The following POLA1 variants were observed in gnomAD, a reference collection of about 807,000 sequenced individuals.
The protein encoded by POLA1 is DNA polymerase alpha 1, catalytic subunit.
Under a neutral mutation model 124.0 loss-of-function variants are expected in POLA1, and 15 were observed. The observed-to-expected ratio is 0.12, with a 90% confidence interval of 0.08 to 0.19. The LOEUF (loss-of-function observed/expected upper bound fraction) is 0.19. Ranked by LOEUF, POLA1 falls within the 10% of genes least tolerant of loss-of-function variation. The pLI is 1.00. For synonymous variants in POLA1, 408 were observed against 389.4 expected (o/e 1.05, Z -0.56); for missense variants, 886 against 1,103.4 (o/e 0.80, Z 2.79).
At position 24,995,792 on chromosome X, in the gene POLA1, T is replaced by G; in HGVS notation, c.4262-13T>G. The G allele has an allele frequency of 8.4e-7, 1 of 1,194,538 alleles. No homozygotes were observed. The highest frequency in any genetic ancestry group is 1.1e-6 in the Non-Finnish European group (1 of 881,144). ...CTACCTGAGACTTCTAATCTCTCTC[T>G]CTCTCTTTTTAGATAAATTGAAGAA... On this transcript the variant is annotated splice_polypyrimidine_tract_variant and intron_variant, in intron 36 of 36. Coordinates refer to ENST00000379068, the MANE Select transcript of POLA1 (RefSeq NM_001330360.2).
chrX:24,755,528 A>G (rs768907092), intron 26 of POLA1, among the ~76,000 whole-genome samples: 5 of 111,526 alleles, frequency 4.5e-5, no homozygotes, highest in Non-Finnish European at 9.4e-5. Flanking sequence ...TAGATGTTCT[A>G]TTTTGTTGGA....
intron 26 of POLA1, among the ~76,000 whole-genome samples, chrX:24,794,518 A>G (rs1259035725): frequency 1.8e-5 from 2 of 112,384 alleles, no homozygotes; most frequent in Non-Finnish European, 3.8e-5. Flanking sequence ...ACCGCTACCT[A>G]AGCAATAAAA....
At position 24,703,228 on chromosome X, in the gene POLA1, TCCTGAAAC is replaced by T. The variant is rs1157515451; in HGVS notation, c.169-22_169-15del. On this transcript the variant is annotated splice_polypyrimidine_tract_variant and intron_variant, in intron 2 of 36. Coordinates refer to ENST00000379068, the MANE Select transcript of POLA1 (RefSeq NM_001330360.2). ...TTGACTCCTCTATTTGAAGCTTTTTTCCTGAAACTTGTATAATGGTAGGTCGAGGACTT... is the reference window on the plus strand; with the variant it reads ...TTGACTCCTCTATTTGAAGCTTTTTTTTGTATAATGGTAGGTCGAGGACTT... 1 of 1,103,299 alleles carries T rather than the reference TCCTGAAAC, an allele frequency of 9.1e-7. No homozygotes were observed. The highest frequency in any genetic ancestry group is 1.2e-6 in the Non-Finnish European group (1 of 805,037). 90.9% of individuals were successfully genotyped at this position (1,103,299 alleles called of 1,213,427 possible). A position where few individuals can be genotyped will look rare whatever the true frequency, so the allele number is the denominator to read the frequency against.
At chrX:24,915,411 A>AT (rs1215565582) in intron 35 of POLA1, among the ~76,000 whole-genome samples, 9 of 111,859 alleles carry the variant, frequency 8.0e-5, no homozygotes. Flanking sequence ...ACTTTGTGGA[A>AT]TTTTTTTACT....
chrX:24,882,684 GGT>G (rs57530564), intron 34 of POLA1, among the ~76,000 whole-genome samples: 8,647 of 87,424 alleles, frequency 0.099, 407 homozygotes, highest in East Asian at 0.21. Flanking sequence ...TATATTCCAT[GGT>G]GTGTGTGTGT....
Position 24,715,173 on chromosome X carries a change from A to G in POLA1, c.495A>G (p.Leu165=). The G allele has an allele frequency of 8.5e-7, 1 of 1,183,222 alleles. No individual in the cohort carries two copies. The highest frequency in any genetic ancestry group is 2.3e-4 in the Middle Eastern group (1 of 4,286). ...TAGACTTGTCCAAGGATGGTCTGCT[A>G]GGTGACATTCTACAGGATCTTAACA... The part of the protein sequence containing the change: ...KAVDLSKDGL[L]GDILQDLNTE... The change falls in exon 6 of 37, where the codon CTA becomes CTG. Residue 165 remains leucine (L), a synonymous_variant. Coordinates refer to ENST00000379068, the MANE Select transcript of POLA1 (RefSeq NM_001330360.2).
At chrX:24,847,944 T>C (rs779079817) in intron 34 of POLA1, among the ~76,000 whole-genome samples, 30 of 112,195 alleles carry the variant, frequency 2.7e-4, no homozygotes, top group Middle Eastern at 4.6e-3. Flanking sequence ...TAAAGCTCTT[T>C]GTTACTTTTC....
At chrX:24,905,452 G>A (rs1333258903) in intron 35 of POLA1, among the ~76,000 whole-genome samples, 17 of 104,272 alleles carry the variant, frequency 1.6e-4, no homozygotes, top group African/African-American at 2.5e-4. Flanking sequence ...GACGGAACAC[G>A]AACAAAAAGA....
intron 35 of POLA1, among the ~76,000 whole-genome samples, chrX:24,926,416 A>G (rs1292749371): frequency 9.0e-6 from 1 of 111,497 alleles, no homozygotes; most frequent in Non-Finnish European, 1.9e-5. Context: ...TTTGTGCATC[A>G]AGCCGTACAC....
intron 35 of POLA1, among the ~76,000 whole-genome samples, chrX:24,916,502 C>T (rs923518937): frequency 9.1e-6 from 1 of 110,214 alleles, no homozygotes; most frequent in Admixed American, 9.6e-5. Context: ...TGGTCTCGAA[C>T]TCCTGACCGC....
intron 4 of POLA1, among the ~76,000 whole-genome samples, chrX:24,712,158 T>C (rs1022348403): frequency 1.4e-4 from 16 of 111,207 alleles, no homozygotes; most frequent in Non-Finnish European, 2.6e-4. Context: ...CGGTCTCAGG[T>C]CATTGCAACT....
intron 4 of POLA1, among the ~76,000 whole-genome samples, chrX:24,708,098 A>G (rs1381066114): frequency 8.9e-6 from 1 of 111,972 alleles, no homozygotes; most frequent in African/African-American, 3.2e-5. Flanking sequence ...TCCACCTCAA[A>G]TATTTACTTG....
chrX:24,928,487 A>G (rs2047727337), intron 35 of POLA1, among the ~76,000 whole-genome samples: 1 of 112,446 alleles, frequency 8.9e-6, no homozygotes, highest in African/African-American at 3.2e-5. Flanking sequence ...ATTTACTCCA[A>G]TTTGTTATTT....
chrX:24,791,258 A>G (rs932558893), intron 26 of POLA1, among the ~76,000 whole-genome samples: 1 of 111,633 alleles, frequency 9.0e-6, no homozygotes, highest in Non-Finnish European at 1.9e-5. Context: ...ACTTGGGGGT[A>G]TCCTAGATGA....
chrX:24,723,041 G>A lies in POLA1; in HGVS notation c.1088-114G>A, dbSNP rs1930299337. On this transcript the variant is annotated intron_variant, in intron 10 of 36. Coordinates refer to ENST00000379068, the MANE Select transcript of POLA1 (RefSeq NM_001330360.2). ...AAATGGATATATTTGCTGTCAAAAT[G>A]AGTTATCATGAAGGTATAAATGTGT... 1.1e-5 allele frequency: 6 copies of A among 533,952 alleles called. No homozygotes were observed. In the South Asian group the frequency reaches 1.1e-4, roughly 10 times the overall value. The allele number at this position is 533,952 out of a possible 1,213,427, so 44.0% of individuals were successfully genotyped here.
At chrX:24,839,989 A>G (rs1286867543) in intron 32 of POLA1, among the ~76,000 whole-genome samples, 1 of 112,149 alleles carries the variant, frequency 8.9e-6, no homozygotes, top group Non-Finnish European at 1.9e-5. Context: ...GTATTCCCAC[A>G]TAATTCTCTA....
chrX:24,887,706 TAGA>T (rs753556771), intron 34 of POLA1, among the ~76,000 whole-genome samples: 1 of 111,029 alleles, frequency 9.0e-6, no homozygotes, highest in South Asian at 3.9e-4. Context: ...CTGCCTGTAG[TAGA>T]AGTTTTTGTT....
chrX:24,869,656 A>T (rs1178547913), intron 34 of POLA1, among the ~76,000 whole-genome samples: 1 of 112,148 alleles, frequency 8.9e-6, no homozygotes, highest in Non-Finnish European at 1.9e-5. Flanking sequence ...AATGCATCAG[A>T]CACTATCCTA....
At chrX:24,914,419 A>G (rs1345879265) in intron 35 of POLA1, among the ~76,000 whole-genome samples, 1 of 110,698 alleles carries the variant, frequency 9.0e-6, no homozygotes, top group East Asian at 2.8e-4. Context: ...CTTTTTGGCC[A>G]GGAATCCATA....
Sources: gnomAD v4.1 joint callset for allele counts (sites outside exome capture counted in the v4.1 genomes callset) on GRCh38, gnomAD v4.1.1 for gene constraint, MANE v1.5 for transcripts, NCBI Gene and HGNC (gene_info 2026-07-23, HGNC 2026-07-21) for gene names.